The following HDAC9 variants were observed in gnomAD, a reference collection of about 807,000 sequenced individuals.
HDAC9 encodes the protein histone deacetylase 9, also known as MEF-2 interacting transcription repressor (MITR) protein.
HDAC9 carries 41 observed loss-of-function variants against 139.4 expected under a neutral mutation model. The observed-to-expected ratio is 0.29, with a 90% CI of 0.23 to 0.38. HDAC9 has a LOEUF of 0.38. Among genes scored for constraint, HDAC9 ranks in the 10% least tolerant of loss-of-function variants. HDAC9 has a pLI of 1.00. For synonymous variants in HDAC9, 517 were observed against 476.2 expected, an observed-to-expected ratio of 1.09 and a Z score of -1.12; for missense variants, 1,147 against 1,297.0, an observed-to-expected ratio of 0.88 and a Z score of 1.78.
At chr7:18,745,373 C>T (rs1425348081) in intron 13 of HDAC9, among the ~76,000 whole-genome samples, 2 of 152,046 alleles carry the variant, frequency 1.3e-5, no homozygotes, top group Non-Finnish European at 2.9e-5. Context: ...GCAAAAATTC[C>T]CAGCTACCAT....
At chr7:18,204,157 A>T (rs1220120706) in intron 2 of HDAC9, among the ~76,000 whole-genome samples, 1 of 152,074 alleles carries the variant, frequency 6.6e-6, no homozygotes, top group African/African-American at 2.4e-5. Flanking sequence ...TTTAAAAATA[A>T]TATATATTTT....
At chr7:18,726,670 A>G (rs1244876891) in intron 12 of HDAC9, among the ~76,000 whole-genome samples, 1 of 151,200 alleles carries the variant, frequency 6.6e-6, no homozygotes, top group Non-Finnish European at 1.5e-5. Context: ...TGTAGTATAT[A>G]TATTTTTGAT....
intron 1 of HDAC9, among the ~76,000 whole-genome samples, chr7:18,140,610 A>G (rs1785830037): frequency 6.6e-6 from 1 of 152,196 alleles, no homozygotes; most frequent in African/African-American, 2.4e-5. Flanking sequence ...CTGTGCAGTT[A>G]CTATATCCAT....
intron 2 of HDAC9, among the ~76,000 whole-genome samples, chr7:18,241,711 T>C (rs1194324287): frequency 6.6e-6 from 1 of 152,230 alleles, no homozygotes; most frequent in East Asian, 1.9e-4. Flanking sequence ...TTTCAGTGTT[T>C]CCTGACACTG....
chr7:18,934,828 A>T (rs1781508387), intron 22 of HDAC9, among the ~76,000 whole-genome samples: 1 of 152,216 alleles, frequency 6.6e-6, no homozygotes, highest in Non-Finnish European at 1.5e-5. Flanking sequence ...TATGTGCACC[A>T]GAAGACCCGT....
chr7:18,685,947 T>G (rs1782238178), intron 12 of HDAC9, among the ~76,000 whole-genome samples: 1 of 152,018 alleles, frequency 6.6e-6, no homozygotes, highest in Non-Finnish European at 1.5e-5. Context: ...GATTGAAAGC[T>G]AATTAATTGC....
chr7:18,131,279 A>G (rs1157932684), intron 1 of HDAC9, among the ~76,000 whole-genome samples: 2 of 152,156 alleles, frequency 1.3e-5, no homozygotes, highest in Non-Finnish European at 2.9e-5. Flanking sequence ...AACATTGATG[A>G]TTCAGTGCCC....
intron 2 of HDAC9, among the ~76,000 whole-genome samples, chr7:18,567,222 C>T (rs908539660): frequency 1.3e-5 from 2 of 152,062 alleles, no homozygotes; most frequent in Admixed American, 6.5e-5. Context: ...CCTGATGTGG[C>T]GGGTTGAATT....
At chr7:18,578,414 T>C (rs1168581461) in intron 2 of HDAC9, among the ~76,000 whole-genome samples, 1 of 152,128 alleles carries the variant, frequency 6.6e-6, no homozygotes, top group Non-Finnish European at 1.5e-5. Context: ...CTGTTTTCTG[T>C]TTTGTGTCAC....
chr7:18,401,715 G>C (rs1787559773), intron 1 of HDAC9, among the ~76,000 whole-genome samples: 2 of 152,094 alleles, frequency 1.3e-5, no homozygotes, highest in African/African-American at 4.8e-5. Flanking sequence ...TCTAGTCCTA[G>C]CCTCGTTTTT....
At chr7:18,154,513 A>T (rs1329770768) in intron 1 of HDAC9, among the ~76,000 whole-genome samples, 1 of 152,182 alleles carries the variant, frequency 6.6e-6, no homozygotes, top group African/African-American at 2.4e-5. Context: ...GAGCACCTTC[A>T]CCTTACCAAT....
intron 13 of HDAC9, among the ~76,000 whole-genome samples, chr7:18,745,261 A>G (rs1027562064): frequency 2.6e-5 from 4 of 152,192 alleles, no homozygotes; most frequent in African/African-American, 9.7e-5. Flanking sequence ...CATTAGGATG[A>G]GTCAGTGGAA....
intron 22 of HDAC9, among the ~76,000 whole-genome samples, chr7:18,901,577 G>A (rs543521288): frequency 6.6e-6 from 1 of 152,256 alleles, no homozygotes; most frequent in South Asian, 2.1e-4. Context: ...GAATCTCTAT[G>A]ATTATGGAGA....
At chr7:18,173,792 A>T (rs919521233) in intron 2 of HDAC9, among the ~76,000 whole-genome samples, 1 of 152,162 alleles carries the variant, frequency 6.6e-6, no homozygotes, top group African/African-American at 2.4e-5. Context: ...TCTGGCTTGT[A>T]GGGTTTCTGT....
intron 1 of HDAC9, among the ~76,000 whole-genome samples, chr7:18,450,195 T>C (rs1307622867): frequency 1.3e-5 from 2 of 152,210 alleles, no homozygotes; most frequent in Non-Finnish European, 2.9e-5. Flanking sequence ...CCAACTCTGA[T>C]TGCCTAGAAT....
At chr7:18,565,469 G>A (rs1821997561) in intron 2 of HDAC9, among the ~76,000 whole-genome samples, 1 of 152,082 alleles carries the variant, frequency 6.6e-6, no homozygotes, top group Admixed American at 6.6e-5. Flanking sequence ...TCATATCAGA[G>A]ACAGCTTGCT....
intron 12 of HDAC9, among the ~76,000 whole-genome samples, chr7:18,707,272 G>A (rs1784000987): frequency 6.6e-6 from 1 of 152,204 alleles, no homozygotes; most frequent in Non-Finnish European, 1.5e-5. Context: ...TTTAACATAG[G>A]TAAAGAGGTC....
intron 6 of HDAC9, among the ~76,000 whole-genome samples, chr7:18,615,877 A>G (rs977376700): frequency 6.6e-6 from 1 of 152,170 alleles, no homozygotes; most frequent in African/African-American, 2.4e-5. Context: ...AAACCAATCT[A>G]TATTTATTAC....
At chr7:18,779,980 T>C (rs955510759) in intron 16 of HDAC9, among the ~76,000 whole-genome samples, 27 of 152,148 alleles carry the variant, frequency 1.8e-4, no homozygotes, top group African/African-American at 6.5e-4. Flanking sequence ...ATTTAGGAAC[T>C]CCGGAATCTG....
Sources: allele counts gnomAD v4.1 joint callset (sites outside exome capture counted in the v4.1 genomes callset), GRCh38; gene constraint gnomAD v4.1.1; transcripts MANE v1.5; gene names NCBI Gene and HGNC (gene_info 2026-07-23, HGNC 2026-07-21).